Variants in DMGDH observed in about 807,000 individuals in gnomAD.
DMGDH encodes the protein dimethylglycine dehydrogenase.
In DMGDH, 76 loss-of-function variants were observed where a neutral mutation model predicts 95.2. The ratio of observed to expected loss-of-function variants is 0.80; its 90% CI spans 0.66 to 0.97. The LOEUF is 0.97. Ranked by LOEUF, DMGDH falls within the 50% of genes least tolerant of loss-of-function variation. The pLI is 0.00. For synonymous variants in DMGDH, 345 were observed against 377.6 expected, an observed-to-expected ratio of 0.91 and a Z score of 1.00; for missense variants, 987 against 1,055.0, an observed-to-expected ratio of 0.94 and a Z score of 0.89.
chr5:79,065,614 GTATACTCTAAAAT>G (rs1755355610), intron 1 of DMGDH, among the ~76,000 whole-genome samples: 1 of 152,158 alleles, frequency 6.6e-6, no homozygotes. Context: ...ATAAGTAGGA[GTATACTCTAAAAT>G]GATGATTTAA....
At chr5:79,022,035 A>G (rs1753881183) in intron 14 of DMGDH, among the ~76,000 whole-genome samples, 1 of 152,240 alleles carries the variant, frequency 6.6e-6, no homozygotes, top group Non-Finnish European at 1.5e-5. Context: ...TTTTCTTCAC[A>G]TTATGGCTTA....
intron 14 of DMGDH, chr5:79,021,084 G>A (rs756200027): frequency 9.1e-6 from 9 of 986,118 alleles, no homozygotes; most frequent in Non-Finnish European, 1.1e-5. Context: ...GATATGAGTC[G>A]TTTCAGGTGA....
chr5:79,006,971 A>C (rs1342332855), intron 14 of DMGDH, among the ~76,000 whole-genome samples: 1 of 152,180 alleles, frequency 6.6e-6, no homozygotes, highest in Admixed American at 6.6e-5. Context: ...AGTTTCCATT[A>C]GCCGAGGTTA....
In DMGDH at chr5:79,067,042, G is replaced by A. The variant is rs550436549; in HGVS notation, c.101+2478C>T. ...GTTGTTTATATTAACATGAATTTAT[G>A]GATATTTATTGTTTTCAGTGGTTTC... is the stretch of plus-strand genomic sequence containing the variant. On this transcript the variant is annotated intron_variant, in intron 1 of 15. Coordinates refer to ENST00000255189, the MANE Select transcript of DMGDH (RefSeq NM_013391.3). Among the ~76,000 whole-genome samples the A allele has an allele frequency of 1.2e-4, 18 of 152,132 alleles. No individual in the cohort carries two copies. In the South Asian group the frequency reaches 3.5e-3, roughly 30 times the overall value.
Position 79,030,820 on chromosome 5 carries a change from C to T in DMGDH, c.1683+13G>A. On this transcript the variant is annotated intron_variant, in intron 10 of 15. Coordinates refer to ENST00000255189, the MANE Select transcript of DMGDH (RefSeq NM_013391.3). ...CAGAATCCTGGACCTTGTATCCCTA[C>T]AAGGCTATTTACCTTTGGAATGACA... The T allele has an allele frequency of 3.7e-6, 6 of 1,613,862 alleles. No homozygotes were observed. Among genetic ancestry groups the T allele is most frequent in the Non-Finnish European group, 5.1e-6 (6 of 1,179,860 alleles).
chr5:79,014,325 T>C (rs1273932665), intron 14 of DMGDH, among the ~76,000 whole-genome samples: 1 of 152,238 alleles, frequency 6.6e-6, no homozygotes, highest in African/African-American at 2.4e-5. Context: ...TTTTCGGTTT[T>C]TTAATCTGAT....
Position 79,044,355 on chromosome 5 carries a change from G to C in DMGDH, c.943C>G (p.Gln315Glu). The change falls in exon 6 of 16, where the codon CAA becomes GAA. Residue 315 changes from glutamine to glutamate, a missense_variant. By Grantham distance (29) the Gln-to-Glu change is conservative. Transcript: ENST00000255189. ...DGLLFGPYES[Q>E]EKMKVQDSWV... ...GAGTCCTGAACTTTCATTTTCTCTTGACTTTCATATGGACCAAACAAAAGC... is the reference window on the plus strand; with the variant it reads ...GAGTCCTGAACTTTCATTTTCTCTTCACTTTCATATGGACCAAACAAAAGC... 1.9e-6 allele frequency: 3 copies of C among 1,614,114 alleles called. No individual in the cohort carries two copies. Among genetic ancestry groups the C allele is most frequent in the Non-Finnish European group, 2.5e-6 (3 of 1,180,014 alleles).
chr5:79,001,755 T>TA (rs1382280372), intron 15 of DMGDH, among the ~76,000 whole-genome samples: 3 of 152,240 alleles, frequency 2.0e-5, no homozygotes, highest in Admixed American at 6.5e-5. Flanking sequence ...GTGCTATTTT[T>TA]AAAATTTGCC....
At chr5:79,020,121 G>A (rs1753829350) in intron 14 of DMGDH, among the ~76,000 whole-genome samples, 2 of 152,172 alleles carry the variant, frequency 1.3e-5, no homozygotes, top group African/African-American at 2.4e-5. Context: ...TGTTCAGCCA[G>A]TTGAAAATCT....
At position 79,018,099 on chromosome 5, in the gene DMGDH, G is replaced by A. The variant is rs1753774068; in HGVS notation, c.2250+6172C>T. On this transcript the variant is annotated intron_variant, in intron 14 of 15. Coordinates refer to ENST00000255189, the MANE Select transcript of DMGDH (RefSeq NM_013391.3). ...GCCTTGCTCAGTTGCCCTGGCTGGA[G>A]TGCAGTGGCACAAACATGACTCACT... 3.3e-5 allele frequency among the ~76,000 whole-genome samples: 5 copies of A among 152,182 alleles called. No individual in the cohort carries two copies. The South Asian group carries it at 8.3e-4, about 25-fold the overall frequency.
At chr5:79,005,241 C>T (rs755650113) in intron 15 of DMGDH, 32 bp downstream of exon 15, 23 of 1,612,514 alleles carry the variant, frequency 1.4e-5, no homozygotes, top group Non-Finnish European at 1.9e-5. Flanking sequence ...GAAGATGCCA[C>T]AGCCCCTGGC....
intron 14 of DMGDH, among the ~76,000 whole-genome samples, chr5:79,017,323 T>TA (rs938208714): frequency 4.6e-5 from 7 of 151,386 alleles, no homozygotes; most frequent in East Asian, 1.9e-4. Context: ...AAAACTCAAT[T>TA]AAAAAAAACA....
rs1340932320 is a variant in DMGDH, at chr5:79,054,182, A to C, written c.540+2T>G. On this transcript the variant is annotated splice_donor_variant, in intron 4 of 15. Coordinates refer to ENST00000255189, the MANE Select transcript of DMGDH (RefSeq NM_013391.3). LOFTEE classifies it high-confidence loss of function. Reference sequence around the variant, plus strand: ...TGGTAAAAATGCCCTTAAGATAAATACCTTATTCATGTTGAGTAAAGGGAA... The same window carrying C: ...TGGTAAAAATGCCCTTAAGATAAATCCCTTATTCATGTTGAGTAAAGGGAA... The C allele has an allele frequency of 6.2e-7, 1 of 1,613,696 alleles. No homozygotes were observed. Among genetic ancestry groups the C allele is most frequent in the Admixed American group, 1.7e-5 (1 of 60,026 alleles).
At chr5:79,068,915 T>C (rs144553454) in intron 1 of DMGDH, among the ~76,000 whole-genome samples, 169 of 152,300 alleles carry the variant, frequency 1.1e-3, no homozygotes, top group African/African-American at 3.9e-3. Context: ...ACTTGGAGAA[T>C]GTGTTGCTGT....
intron 4 of DMGDH, among the ~76,000 whole-genome samples, chr5:79,053,419 G>T (rs935494720): frequency 1.3e-5 from 2 of 152,116 alleles, no homozygotes; most frequent in Non-Finnish European, 2.9e-5. Flanking sequence ...CCCCACCTTG[G>T]CCTTACCACA....
At chr5:79,060,992 T>A (rs1755191931) in intron 2 of DMGDH, among the ~76,000 whole-genome samples, 1 of 150,850 alleles carries the variant, frequency 6.6e-6, no homozygotes, top group Admixed American at 6.6e-5. Context: ...GAGGCTTAAG[T>A]GGGAGGACTG....
intron 5 of DMGDH, among the ~76,000 whole-genome samples, chr5:79,047,458 T>C (rs1213993030): frequency 6.6e-6 from 1 of 152,216 alleles, no homozygotes; most frequent in Non-Finnish European, 1.5e-5. Flanking sequence ...CAATCACATT[T>C]CTGATTTGCC....
At chr5:79,030,460 T>G (rs1043765011) in intron 10 of DMGDH, 5 of 264,602 alleles carry the variant, frequency 1.9e-5, no homozygotes, top group Non-Finnish European at 2.9e-5. Context: ...GAGACCAACA[T>G]ATAGTGAAAC....
Position 79,028,654 on chromosome 5 carries a change from C to G in DMGDH, c.1815-4G>C, listed in dbSNP as rs367920866. On this transcript the variant is annotated splice_region_variant and splice_polypyrimidine_tract_variant and intron_variant, in intron 11 of 15. Coordinates refer to ENST00000255189, the MANE Select transcript of DMGDH (RefSeq NM_013391.3). ...GACTGCTTCTTCTTCAATCCATCTGCGTTTTAGTCATGAACATGGTGTTAA... is the reference window on the plus strand; with the variant it reads ...GACTGCTTCTTCTTCAATCCATCTGGGTTTTAGTCATGAACATGGTGTTAA... The G allele has an allele frequency of 6.2e-7, 1 of 1,613,882 alleles. No homozygotes were observed. The highest frequency in any genetic ancestry group is 1.1e-5 in the South Asian group (1 of 91,076).
Sources: gnomAD v4.1 joint callset for allele counts (sites outside exome capture counted in the v4.1 genomes callset) on GRCh38, gnomAD v4.1.1 for gene constraint, MANE v1.5 for transcripts, NCBI Gene and HGNC (gene_info 2026-07-23, HGNC 2026-07-21) for gene names.